The following XKR9 variants were observed in gnomAD, a reference collection of about 807,000 sequenced individuals.
XKR9 encodes the protein XK-related protein 9.
A neutral mutation model predicts 32.0 loss-of-function variants in XKR9; 32 were observed. That is an observed-to-expected ratio of 1.00 (90% CI 0.76 to 1.34). XKR9 has a LOEUF of 1.34. Ranked by LOEUF, XKR9 falls within the 40% of genes most tolerant of loss-of-function variation. The pLI is 0.00. For synonymous variants in XKR9, 168 were observed against 143.4 expected (o/e 1.17, Z -1.22); for missense variants, 546 against 429.7 (o/e 1.27, Z -2.39).
chr8:70,907,809 G>A, the XKR9 span, among the ~76,000 whole-genome samples: 1 of 152,074 alleles, frequency 6.6e-6, no homozygotes, highest in Admixed American at 6.5e-5. Flanking sequence ...TTTTGCAATG[G>A]CCCTTGGCCA....
chr8:71,026,988 A>C, the XKR9 span, among the ~76,000 whole-genome samples: 1 of 152,244 alleles, frequency 6.6e-6, no homozygotes, highest in Non-Finnish European at 1.5e-5. Context: ...AAAACCTTTA[A>C]AAACTTAATT....
chr8:70,788,837 G>A (rs771127348), intron 2 of XKR9, among the ~76,000 whole-genome samples: 7 of 152,044 alleles, frequency 4.6e-5, no homozygotes, highest in Non-Finnish European at 7.4e-5. Context: ...CTGCAAGTGC[G>A]TTGGAAGGCC....
At chr8:70,777,275 A>G (rs1194948625) in intron 2 of XKR9, among the ~76,000 whole-genome samples, 1 of 152,024 alleles carries the variant, frequency 6.6e-6, no homozygotes, top group African/African-American at 2.4e-5. Context: ...GTCCCTGCAA[A>G]AGACATGAAC....
chr8:71,014,686 C>T, the XKR9 span, among the ~76,000 whole-genome samples: 1 of 152,096 alleles, frequency 6.6e-6, no homozygotes, highest in Non-Finnish European at 1.5e-5. Flanking sequence ...AGGAAGTGGA[C>T]ATATCTTTTT....
At chr8:70,670,208 G>C (rs1349251022) in intron 1 of XKR9, among the ~76,000 whole-genome samples, 1 of 152,162 alleles carries the variant, frequency 6.6e-6, no homozygotes, top group African/African-American at 2.4e-5. Context: ...CCCTCAGTGA[G>C]ATTCAAGGAG....
the XKR9 span, among the ~76,000 whole-genome samples, chr8:71,049,628 G>A: frequency 1.3e-5 from 2 of 152,202 alleles, no homozygotes; most frequent in African/African-American, 2.4e-5. Flanking sequence ...TGGGGGAGAA[G>A]CTTCAGAGAA....
At chr8:71,027,808 A>AGGCTGGAG in the XKR9 span, among the ~76,000 whole-genome samples, 1 of 146,254 alleles carries the variant, frequency 6.8e-6, no homozygotes, top group Non-Finnish European at 1.5e-5. Flanking sequence ...TCCGTCATCC[A>AGGCTGGAG]GGCTGGAGGG....
downstream of XKR9, among the ~76,000 whole-genome samples, chr8:70,791,720 T>G (rs1807766600): frequency 6.6e-6 from 1 of 152,052 alleles, no homozygotes; most frequent in South Asian, 2.1e-4. Context: ...CCTCCAGAAC[T>G]GTGAGCAAAT....
At chr8:70,842,807 A>G in the XKR9 span, among the ~76,000 whole-genome samples, 1 of 152,304 alleles carries the variant, frequency 6.6e-6, no homozygotes, top group South Asian at 2.1e-4. Context: ...CTCCAATACC[A>G]TCTTCAAGAG....
At chr8:70,709,320 A>G (rs1033466734) in intron 4 of XKR9, among the ~76,000 whole-genome samples, 2 of 152,168 alleles carry the variant, frequency 1.3e-5, no homozygotes, top group Non-Finnish European at 1.5e-5. Flanking sequence ...GGAACCATCT[A>G]TGACAAACCC....
chr8:70,845,671 A>G, the XKR9 span, among the ~76,000 whole-genome samples: 18,426 of 152,214 alleles, frequency 0.12, 1,364 homozygotes, highest in African/African-American at 0.21. Context: ...AGCTTCAACA[A>G]TAGACTAGAG....
the XKR9 span, among the ~76,000 whole-genome samples, chr8:71,024,004 C>T: frequency 8.5e-5 from 13 of 152,130 alleles, no homozygotes; most frequent in Non-Finnish European, 1.8e-4. Context: ...CAATAGAGTG[C>T]CCCATGTCTC....
chr8:70,773,071 CT>C (rs1036259024), intron 2 of XKR9, among the ~76,000 whole-genome samples: 5 of 152,134 alleles, frequency 3.3e-5, no homozygotes, highest in African/African-American at 1.2e-4. Flanking sequence ...TATAATCATA[CT>C]GTAGCACAAG....
chr8:70,996,985 G>C, the XKR9 span, among the ~76,000 whole-genome samples: 3 of 152,124 alleles, frequency 2.0e-5, no homozygotes, highest in Non-Finnish European at 4.4e-5. Flanking sequence ...ATCATACTTT[G>C]GTATGATTAT....
the XKR9 span, among the ~76,000 whole-genome samples, chr8:70,853,165 T>A: frequency 1.3e-5 from 2 of 152,082 alleles, no homozygotes; most frequent in African/African-American, 2.4e-5. Flanking sequence ...AAACCTCTCA[T>A]GTTCTCACTT....
chr8:70,673,790 G>T (rs1818795782), intron 1 of XKR9, among the ~76,000 whole-genome samples: 1 of 151,392 alleles, frequency 6.6e-6, no homozygotes. Flanking sequence ...ACAAAATTAA[G>T]TCTTTGTGAA....
chr8:70,707,825 T>C (rs534037893), intron 4 of XKR9, among the ~76,000 whole-genome samples: 1 of 152,234 alleles, frequency 6.6e-6, no homozygotes, highest in East Asian at 1.9e-4. Context: ...ATGTTCATTT[T>C]TTAAAGAAAA....
chr8:70,931,520 T>A, the XKR9 span, among the ~76,000 whole-genome samples: 4 of 152,234 alleles, frequency 2.6e-5, no homozygotes, highest in Non-Finnish European at 5.9e-5. Flanking sequence ...TAAAATTCTT[T>A]GATTTTATGT....
At chr8:70,799,392 G>A in the XKR9 span, among the ~76,000 whole-genome samples, 1 of 152,160 alleles carries the variant, frequency 6.6e-6, no homozygotes, top group Non-Finnish European at 1.5e-5. Context: ...GTGCTGCGGT[G>A]CGATCACGGA....
Sources: allele counts gnomAD v4.1 joint callset (sites outside exome capture counted in the v4.1 genomes callset), GRCh38; gene constraint gnomAD v4.1.1; transcripts MANE v1.5; gene names NCBI Gene and HGNC (gene_info 2026-07-23, HGNC 2026-07-21).